POLQ: variants seen among roughly 807,000 people sequenced by gnomAD.
POLQ encodes the protein epididymis secretory sperm binding protein.
In POLQ, 233 loss-of-function variants were observed where a neutral mutation model predicts 259.2. The observed-to-expected ratio is 0.90, with a 90% CI of 0.81 to 1.00. POLQ has a LOEUF of 1.00. POLQ is among the 50% of genes least tolerant of loss of function. The pLI is 0.00. For synonymous variants in POLQ, 1,025 were observed against 1,048.8 expected (o/e 0.98, Z 0.44); for missense variants, 2,871 against 3,051.6 (o/e 0.94, Z 1.39).
rs2047543669 is a variant in POLQ at position 121,436,266 on chromosome 3, G to C, written c.7399C>G (p.Gln2467Glu). 6.2e-7 allele frequency: 1 copy of C among 1,613,634 alleles called. No homozygotes were observed. Among genetic ancestry groups the C allele is most frequent in the African/African-American group, 1.3e-5 (1 of 74,894 alleles). The change falls in exon 28 of 30, where the codon CAA (glutamine) becomes GAA (glutamate). Residue 2467 changes from glutamine (Q) to glutamate (E), a missense_variant. By Grantham distance (29) the Gln-to-Glu change is conservative. This residue lies in a region of POLQ where 2,080 missense variants were observed against 2,126.0 expected (regional missense o/e 0.98). Coordinates refer to ENST00000264233, the MANE Select transcript of POLQ (RefSeq NM_199420.4). ...CCTTGGACTATTGTGTTGATAGCTT[G>C]ACGCTCAGCCTAGAAAAAACAATCA... ...NPYRKAHAERQAINTIVQGSA... is the reference protein window; with the variant it reads ...NPYRKAHAEREAINTIVQGSA...
Position 121,537,211 on chromosome 3 carries a change from A to G in POLQ, c.632-3T>C. The stretch of plus-strand genomic sequence containing the variant: ...TAATTCATCCACAACCACCATTCCT[A>G]AAAAGATTTTCCAGATACTAGGTTT... On this transcript the variant is annotated splice_region_variant and splice_polypyrimidine_tract_variant and intron_variant, in intron 4 of 29. Transcript: ENST00000264233. 1 of 1,541,620 alleles carries G rather than the reference A, an allele frequency of 6.5e-7. No individual in the cohort carries two copies. The highest frequency in any genetic ancestry group is 1.7e-5 in the Admixed American group (1 of 59,098).
At chr3:121,456,799 C>T (rs1222942600) in intron 25 of POLQ, among the ~76,000 whole-genome samples, 2 of 152,226 alleles carry the variant, frequency 1.3e-5, no homozygotes, top group South Asian at 2.1e-4. Flanking sequence ...GTGAAAATGG[C>T]CATACTGCCC....
chr3:121,485,767 T>C (rs1488900108), intron 16 of POLQ, among the ~76,000 whole-genome samples: 2 of 152,216 alleles, frequency 1.3e-5, no homozygotes, highest in Non-Finnish European at 2.9e-5. Flanking sequence ...TTATATAGCC[T>C]GATACAGAAA....
chr3:121,500,667 G>A (rs1369630338), intron 12 of POLQ, among the ~76,000 whole-genome samples: 5 of 152,064 alleles, frequency 3.3e-5, no homozygotes, highest in African/African-American at 1.2e-4. Context: ...AGAAATTATG[G>A]CTAAAAGTAT....
At chr3:121,473,536 TA>T in intron 20 of POLQ, 49 bp from the exon 21 acceptor site, 1 of 1,468,590 alleles carries the variant, frequency 6.8e-7, no homozygotes, top group Non-Finnish European at 9.4e-7. Context: ...TTGCAAGGAT[TA>T]TCATTCAGAA....
intron 7 of POLQ, among the ~76,000 whole-genome samples, chr3:121,529,185 G>A (rs565418852): frequency 1.4e-4 from 19 of 137,060 alleles, no homozygotes; most frequent in African/African-American, 3.9e-4. Context: ...ATAAATGAAC[G>A]CACGCAATTC....
chr3:121,461,133 ACT>A (rs2047788137), intron 24 of POLQ, among the ~76,000 whole-genome samples: 1 of 152,186 alleles, frequency 6.6e-6, no homozygotes, highest in Admixed American at 6.5e-5. Flanking sequence ...GTTGGACAAC[ACT>A]CTGTGACAAG....
chr3:121,525,181 A>G (rs1312444211), intron 7 of POLQ, among the ~76,000 whole-genome samples: 2 of 152,086 alleles, frequency 1.3e-5, no homozygotes, highest in Non-Finnish European at 2.9e-5. Flanking sequence ...CTCTACTAAA[A>G]ATACAAAAAA....
At chr3:121,469,505 A>G (rs1560091951) in intron 22 of POLQ, among the ~76,000 whole-genome samples, 1 of 152,158 alleles carries the variant, frequency 6.6e-6, no homozygotes, top group East Asian at 1.9e-4. Flanking sequence ...TTTGTCATTT[A>G]GCTTTTAGCA....
At position 121,509,714 on chromosome 3, in the gene POLQ, G is replaced by A; in HGVS notation, c.1817-11C>T. 6.2e-7 allele frequency: 1 copy of A among 1,601,832 alleles called. No homozygotes were observed. Among genetic ancestry groups the A allele is most frequent in the Non-Finnish European group, 8.5e-7 (1 of 1,175,912 alleles). ...GATGATACACCTTTCCTGGTTTAGG[G>A]TTAGGGTGAGGAAACAGAGGAACAA... On this transcript the variant is annotated splice_polypyrimidine_tract_variant and intron_variant, in intron 11 of 29. Coordinates refer to ENST00000264233, the MANE Select transcript of POLQ (RefSeq NM_199420.4).
chr3:121,477,107 T>TCA (rs2047933722), intron 19 of POLQ, among the ~76,000 whole-genome samples: 8 of 152,310 alleles, frequency 5.3e-5, no homozygotes, highest in African/African-American at 1.9e-4. Flanking sequence ...AGCACTGACA[T>TCA]GACACCACAA....
intron 25 of POLQ, among the ~76,000 whole-genome samples, chr3:121,450,252 T>C (rs1210695547): frequency 3.9e-5 from 6 of 152,190 alleles, no homozygotes; most frequent in Non-Finnish European, 8.8e-5. Flanking sequence ...AAATAAAATC[T>C]AAAAAGATAA....
rs761492871 is a variant in POLQ, at chr3:121,488,058, G to A, written c.4873C>T (p.Gln1625Ter). Residue 1625 changes from glutamine to a stop codon, truncating the protein, a stop_gained, in exon 16 of 30, where the codon CAA becomes TAA. Coordinates refer to ENST00000264233, the MANE Select transcript of POLQ (RefSeq NM_199420.4). LOFTEE classifies it high-confidence loss of function. ...AEKSKLTGTRQNHSFIWSGAS... is the reference protein window; with the variant it reads ...AEKSKLTGTR ...CCTGACCATATGAATGAATGATTTT[G>A]CCTGGTCCCAGTTAATTTTGATTTT... 3.7e-6 allele frequency: 6 copies of A among 1,613,932 alleles called. No individual in the cohort carries two copies. In the Admixed American group the frequency reaches 5.0e-5, roughly 13 times the overall value.
chr3:121,440,991 T>A (rs2047587429), intron 26 of POLQ, among the ~76,000 whole-genome samples: 1 of 152,190 alleles, frequency 6.6e-6, no homozygotes, highest in African/African-American at 2.4e-5. Flanking sequence ...TAGACCAACA[T>A]TCATCCTTTG....
chr3:121,448,842 T>G (rs892331675), intron 26 of POLQ, among the ~76,000 whole-genome samples: 4 of 152,194 alleles, frequency 2.6e-5, no homozygotes, highest in Non-Finnish European at 4.4e-5. Flanking sequence ...TATACCTTTT[T>G]CAGGGTGAAT....
chr3:121,530,128 T>C (rs2048400567), intron 6 of POLQ, among the ~76,000 whole-genome samples: 1 of 152,082 alleles, frequency 6.6e-6, no homozygotes, highest in African/African-American at 2.4e-5. Flanking sequence ...AATACAGATA[T>C]CCTCAACTTA....
Position 121,529,880 on chromosome 3 carries a change from A to G in POLQ, c.961-88T>C, listed in dbSNP as rs183662998. The G allele has an allele frequency of 2.6e-4, 252 of 978,552 alleles. No homozygotes were observed. In the African/African-American group the frequency reaches 4.1e-3, roughly 16 times the overall value. 60.6% of individuals were successfully genotyped at this position (978,552 alleles called of 1,614,324 possible). On this transcript the variant is annotated intron_variant, in intron 6 of 29. Coordinates refer to ENST00000264233, the MANE Select transcript of POLQ (RefSeq NM_199420.4). ...AAAGCACTCATTTTCCTTTCTGGGG[A>G]AGCTTTTTCTTCTTTAAGGCATAAT...
chr3:121,433,025 G>A lies in POLQ; in HGVS notation c.7552C>T (p.Arg2518Ter), dbSNP rs536877567. ...AACATCCCTTGCAGTTTTCTCTTTC[G>A]TGACAATCCTACTTCATGAAAAAGG... Reference protein sequence around the residue: ...MLQSDQTGLSRKRKLQGMFCP... With the variant: ...MLQSDQTGLS The change falls in exon 29 of 30, where the codon CGA (arginine) becomes TGA (stop). Residue 2518 changes from arginine to a stop codon, truncating the protein, a stop_gained. Transcript: ENST00000264233. LOFTEE classifies it high-confidence loss of function. 5 of 1,593,744 alleles carry A rather than the reference G, an allele frequency of 3.1e-6. No individual in the cohort carries two copies. The Admixed American group carries it at 5.0e-5, about 16-fold the overall frequency.
chr3:121,439,415 G>T (rs1349881078), intron 27 of POLQ, among the ~76,000 whole-genome samples: 4 of 151,962 alleles, frequency 2.6e-5, no homozygotes, highest in Non-Finnish European at 5.9e-5. Flanking sequence ...TATTTTTATA[G>T]ATATAGGTGA....
Sources: gnomAD v4.1 joint callset for allele counts (sites outside exome capture counted in the v4.1 genomes callset) on GRCh38, gnomAD v4.1.1 for gene constraint, gnomAD v4.1.1 regional missense constraint, MANE v1.5 for transcripts, NCBI Gene and HGNC (gene_info 2026-07-23, HGNC 2026-07-21) for gene names.